The following CLASP1 variants were observed in gnomAD, a reference collection of about 807,000 sequenced individuals.
CLASP1 encodes the protein cytoplasmic linker associated protein 1, also known as CLIP-associating protein 1.
CLASP1 carries 38 observed loss-of-function variants against 192.3 expected under a neutral mutation model. The observed-to-expected ratio is 0.20, with a 90% CI of 0.15 to 0.26. The LOEUF (loss-of-function observed/expected upper bound fraction) is 0.26. Among genes scored for constraint, CLASP1 ranks in the 10% least tolerant of loss-of-function variants. The pLI, the probability that CLASP1 is intolerant of heterozygous loss-of-function variation, is 1.00. For missense variants in CLASP1, 1,433 were observed against 1,932.5 expected, an observed-to-expected ratio of 0.74 and a Z score of 4.85; for synonymous variants, 691 against 712.8, an observed-to-expected ratio of 0.97 and a Z score of 0.49.
chr2:121,467,125 T>A (rs941602434), intron 9 of CLASP1, among the ~76,000 whole-genome samples: 1 of 152,226 alleles, frequency 6.6e-6, no homozygotes, highest in Non-Finnish European at 1.5e-5. Flanking sequence ...TCCACCTCCA[T>A]CCATGTCCCT....
chr2:121,369,132 G>C (rs371929959), intron 34 of CLASP1, among the ~76,000 whole-genome samples: 1 of 152,286 alleles, frequency 6.6e-6, no homozygotes, highest in East Asian at 1.9e-4. Context: ...TGGGCACTTG[G>C]ATTGCTTTTG....
intron 30 of CLASP1, among the ~76,000 whole-genome samples, chr2:121,394,115 C>T (rs1347924089): frequency 6.6e-6 from 1 of 152,164 alleles, no homozygotes; most frequent in Admixed American, 6.5e-5. Flanking sequence ...TATATAACCT[C>T]TCCCACCCTT....
intron 23 of CLASP1, among the ~76,000 whole-genome samples, chr2:121,412,958 A>G (rs1047577125): frequency 6.6e-6 from 1 of 152,174 alleles, no homozygotes; most frequent in Non-Finnish European, 1.5e-5. Flanking sequence ...GGAAATGTAC[A>G]TAATCAGAAT....
At chr2:121,573,121 A>G (rs1010610976) in intron 2 of CLASP1, among the ~76,000 whole-genome samples, 6 of 152,090 alleles carry the variant, frequency 3.9e-5, no homozygotes, top group African/African-American at 1.4e-4. Context: ...CACCACGCCC[A>G]GCTAGTTTTT....
chr2:121,531,172 A>C (rs926412427), intron 2 of CLASP1, among the ~76,000 whole-genome samples: 1 of 152,138 alleles, frequency 6.6e-6, no homozygotes, highest in Admixed American at 6.6e-5. Flanking sequence ...GGATTTCAAC[A>C]GAACTTCACC....
chr2:121,601,429 G>A (rs78311114), intron 2 of CLASP1, among the ~76,000 whole-genome samples: 9,260 of 152,052 alleles, frequency 0.061, 302 homozygotes, highest in Middle Eastern at 0.089. Context: ...GTGCCACCAT[G>A]CCCAGCTAAT....
chr2:121,425,081 A>T, intron 22 of CLASP1, 58 bp downstream of exon 22: 1 of 1,487,504 alleles, frequency 6.7e-7, no homozygotes, highest in Non-Finnish European at 9.2e-7. Context: ...TCATTAGATT[A>T]TAATCAAAAC....
chr2:121,481,917 C>T (rs560813756), intron 8 of CLASP1, among the ~76,000 whole-genome samples: 1 of 152,148 alleles, frequency 6.6e-6, no homozygotes, highest in Non-Finnish European at 1.5e-5. Context: ...TGGGAACACA[C>T]ACAATCAACA....
At chr2:121,561,140 C>T (rs1177479001) in intron 2 of CLASP1, among the ~76,000 whole-genome samples, 1 of 152,208 alleles carries the variant, frequency 6.6e-6, no homozygotes, top group Non-Finnish European at 1.5e-5. Flanking sequence ...CTCCTGGCCT[C>T]AGGTGATCCA....
intron 2 of CLASP1, among the ~76,000 whole-genome samples, chr2:121,537,550 T>A (rs1404191107): frequency 6.6e-6 from 1 of 152,054 alleles, no homozygotes; most frequent in Non-Finnish European, 1.5e-5. Context: ...CCTAGATACA[T>A]TAGCTACATT....
rs140922400 is a variant in CLASP1, at chr2:121,469,785, C to T, written c.865+23G>A. On this transcript the variant is annotated intron_variant, in intron 9 of 39. Transcript: ENST00000263710. ...AAAGCTGGCATAGCTGACCCCAGAA[C>T]GCCACACAGGGCTTAGACTAACCTG... 9.1e-4 allele frequency: 1,445 copies of T among 1,592,342 alleles called. 4 individuals carry two copies. The highest frequency in any genetic ancestry group is 6.8e-3 in the East Asian group (304 of 44,646).
intron 1 of CLASP1, among the ~76,000 whole-genome samples, chr2:121,646,019 A>AT (rs1439068580): frequency 6.6e-6 from 1 of 152,178 alleles, no homozygotes; most frequent in African/African-American, 2.4e-5. Context: ...AAGTTAGTTC[A>AT]TTTTTTAAGA....
intron 34 of CLASP1, among the ~76,000 whole-genome samples, chr2:121,371,545 A>G (rs1045498479): frequency 1.1e-4 from 16 of 152,058 alleles, no homozygotes; most frequent in African/African-American, 3.9e-4. Flanking sequence ...GGAAAAAGTA[A>G]CCCCTCACGC....
chr2:121,628,372 G>T, intron 1 of CLASP1, among the ~76,000 whole-genome samples: 1 of 151,888 alleles, frequency 6.6e-6, no homozygotes, highest in East Asian at 1.9e-4. Context: ...TTTCAAAAAC[G>T]GTCACTTAAG....
At chr2:121,381,914 C>T (rs2071762680) in intron 33 of CLASP1, among the ~76,000 whole-genome samples, 1 of 152,154 alleles carries the variant, frequency 6.6e-6, no homozygotes, top group Admixed American at 6.5e-5. Flanking sequence ...TGAGGTCTTT[C>T]TGGGGGCTGA....
chr2:121,634,716 G>A (rs959963719), intron 1 of CLASP1, among the ~76,000 whole-genome samples: 23 of 152,116 alleles, frequency 1.5e-4, no homozygotes, highest in African/African-American at 4.1e-4. Context: ...TGCCTGGCAC[G>A]CCAATCACTG....
At chr2:121,377,119 G>A (rs2070437131) in intron 34 of CLASP1, among the ~76,000 whole-genome samples, 1 of 152,188 alleles carries the variant, frequency 6.6e-6, no homozygotes, top group Non-Finnish European at 1.5e-5. Context: ...CCAGTTCCTG[G>A]TGCCAAAAAG....
chr2:121,361,920 A>T (rs1473159672), intron 37 of CLASP1, among the ~76,000 whole-genome samples: 1 of 152,244 alleles, frequency 6.6e-6, no homozygotes, highest in Non-Finnish European at 1.5e-5. Context: ...TAGGACTAGC[A>T]GGTGAAGAGA....
intron 24 of CLASP1, among the ~76,000 whole-genome samples, chr2:121,408,472 T>G (rs1471612846): frequency 6.6e-6 from 1 of 152,186 alleles, no homozygotes; most frequent in Non-Finnish European, 1.5e-5. Context: ...AAATATGATA[T>G]AGCAGCAACT....
Sources: allele counts gnomAD v4.1 joint callset (sites outside exome capture counted in the v4.1 genomes callset), GRCh38; gene constraint gnomAD v4.1.1; transcripts MANE v1.5; gene names NCBI Gene and HGNC (gene_info 2026-07-23, HGNC 2026-07-21).